Variants in GLCE observed in about 807,000 individuals in gnomAD.
GLCE encodes glucuronic acid epimerase.
Under a neutral mutation model 47.9 loss-of-function variants are expected in GLCE, and 19 were observed. The ratio of observed to expected loss-of-function variants is 0.40; its 90% CI spans 0.28 to 0.58. The LOEUF is 0.58. GLCE is among the 20% of genes least tolerant of loss of function. GLCE has a pLI of 0.48. For missense variants in GLCE, 556 were observed against 743.3 expected (o/e 0.75, Z 2.93); for synonymous variants, 245 against 263.4 (o/e 0.93, Z 0.68).
chr15:69,173,202 G>T (rs562590377), intron 1 of GLCE, among the ~76,000 whole-genome samples: 122 of 152,290 alleles, frequency 8.0e-4, no homozygotes, highest in Non-Finnish European at 8.8e-4. Flanking sequence ...GTTCTGTTCT[G>T]TTTGCCACAT....
chr15:69,186,106 C>T (rs1247582257), intron 1 of GLCE, among the ~76,000 whole-genome samples: 2 of 152,014 alleles, frequency 1.3e-5, no homozygotes, highest in East Asian at 1.9e-4. Context: ...GGTATGCTAC[C>T]CCCTGGGAAC....
intron 2 of GLCE, among the ~76,000 whole-genome samples, chr15:69,249,328 C>CT (rs1194863474): frequency 2.0e-5 from 3 of 151,580 alleles, no homozygotes; most frequent in East Asian, 3.9e-4. Context: ...GTCTACATAA[C>CT]TTTTTTTTTA....
intron 2 of GLCE, among the ~76,000 whole-genome samples, chr15:69,252,789 A>G (rs1460322561): frequency 6.6e-6 from 1 of 152,110 alleles, no homozygotes; most frequent in East Asian, 1.9e-4. Context: ...AAAAAAATAA[A>G]CACCATTTAG....
intron 2 of GLCE, among the ~76,000 whole-genome samples, chr15:69,232,713 G>C (rs1176712753): frequency 1.3e-5 from 2 of 152,100 alleles, no homozygotes; most frequent in Non-Finnish European, 2.9e-5. Context: ...AATTTGAGGG[G>C]GGAATTATAT....
intron 3 of GLCE, among the ~76,000 whole-genome samples, chr15:69,257,729 A>G (rs1042957268): frequency 6.6e-6 from 1 of 152,036 alleles, no homozygotes; most frequent in African/African-American, 2.4e-5. Flanking sequence ...TATTATTTTT[A>G]TATATTCTCT....
intron 1 of GLCE, among the ~76,000 whole-genome samples, chr15:69,179,509 CAT>C (rs1244354214): frequency 2.6e-5 from 4 of 152,170 alleles, no homozygotes; most frequent in Non-Finnish European, 5.9e-5. Context: ...GCAGTTTTAT[CAT>C]GTGTAGTTTT....
intron 2 of GLCE, among the ~76,000 whole-genome samples, chr15:69,250,759 C>T (rs570385782): frequency 6.6e-6 from 1 of 150,738 alleles, no homozygotes; most frequent in Admixed American, 6.6e-5. Context: ...GATCCTACCC[C>T]AGTCCCAAGT....
chr15:69,199,057 T>C (rs1471857329), intron 1 of GLCE, among the ~76,000 whole-genome samples: 2 of 152,176 alleles, frequency 1.3e-5, no homozygotes, highest in Non-Finnish European at 2.9e-5. Flanking sequence ...ACTGGTAGTG[T>C]ACATTTGTAA....
intron 2 of GLCE, among the ~76,000 whole-genome samples, chr15:69,253,227 G>A (rs1485438677): frequency 6.6e-6 from 1 of 152,200 alleles, no homozygotes; most frequent in Non-Finnish European, 1.5e-5. Context: ...CAGAGCATGA[G>A]AAAGACGAAG....
intron 1 of GLCE, among the ~76,000 whole-genome samples, chr15:69,180,819 A>G (rs2051739225): frequency 1.3e-5 from 2 of 152,218 alleles, no homozygotes; most frequent in African/African-American, 4.8e-5. Context: ...TGGTATAGAA[A>G]GACATTGGAT....
At chr15:69,180,966 G>C (rs2051741113) in intron 1 of GLCE, among the ~76,000 whole-genome samples, 1 of 152,158 alleles carries the variant, frequency 6.6e-6, no homozygotes, top group Admixed American at 6.5e-5. Flanking sequence ...GGTGAGAGGT[G>C]ATGGCTTGGA....
intron 2 of GLCE, among the ~76,000 whole-genome samples, chr15:69,242,640 T>C (rs536383083): frequency 6.6e-6 from 1 of 152,138 alleles, no homozygotes; most frequent in Non-Finnish European, 1.5e-5. Context: ...TTCCTTCTAC[T>C]AGTATGAAAA....
intron 1 of GLCE, among the ~76,000 whole-genome samples, chr15:69,208,077 C>A (rs1444337194): frequency 6.6e-6 from 1 of 152,012 alleles, no homozygotes; most frequent in Non-Finnish European, 1.5e-5. Flanking sequence ...CAGGTATTAT[C>A]TCCCTGTCAG....
At chr15:69,188,151 AG>A (rs1406785799) in intron 1 of GLCE, among the ~76,000 whole-genome samples, 1 of 152,114 alleles carries the variant, frequency 6.6e-6, no homozygotes, top group East Asian at 1.9e-4. Context: ...TCTGAGGCAG[AG>A]AATCACTTGA....
At chr15:69,172,176 T>C (rs918216873) in intron 1 of GLCE, among the ~76,000 whole-genome samples, 1 of 152,042 alleles carries the variant, frequency 6.6e-6, no homozygotes, top group Non-Finnish European at 1.5e-5. Context: ...TATAAAAGAG[T>C]ATTTTGGCTG....
chr15:69,246,199 G>T (rs1444764083), intron 2 of GLCE, among the ~76,000 whole-genome samples: 2 of 152,078 alleles, frequency 1.3e-5, no homozygotes, highest in African/African-American at 4.8e-5. Context: ...TTCCTCCACT[G>T]AAGTTTTGAA....
chr15:69,268,724 T>C lies in GLCE; in HGVS notation c.1334T>C (p.Met445Thr), dbSNP rs2053121783. The C allele has an allele frequency of 6.2e-7, 1 of 1,614,226 alleles. No individual in the cohort carries two copies. The highest frequency in any genetic ancestry group is 2.2e-5 in the East Asian group (1 of 44,888). ...TTAGAGCCAGGATGGTATTCTGCCATGGCCCAAGGGCAAGCCATTTCTACA... is the reference window on the plus strand; with the variant it reads ...TTAGAGCCAGGATGGTATTCTGCCACGGCCCAAGGGCAAGCCATTTCTACA... ...KSLEPGWYSA[M>T]AQGQAISTLV... is the part of the protein sequence containing the mutation. Residue 445 changes from methionine (M) to threonine (T), a missense_variant, in exon 5 of 5, where the codon ATG becomes ACG. Met to Thr is a moderately conservative substitution (Grantham distance 81). Around this residue, in one of 3 missense-constraint regions of GLCE, gnomAD observed 245 missense variants for 368.1 expected, o/e 0.67. Coordinates refer to ENST00000261858, the MANE Select transcript of GLCE (RefSeq NM_015554.3).
At chr15:69,263,388 G>A (rs2053040680) in intron 4 of GLCE, among the ~76,000 whole-genome samples, 1 of 151,982 alleles carries the variant, frequency 6.6e-6, no homozygotes, top group African/African-American at 2.4e-5. Flanking sequence ...GCTCAAGTGA[G>A]GTGAGACCCT....
intron 1 of GLCE, among the ~76,000 whole-genome samples, chr15:69,198,108 C>G (rs1332328466): frequency 6.6e-6 from 1 of 152,010 alleles, no homozygotes; most frequent in Non-Finnish European, 1.5e-5. Context: ...CACATGTATA[C>G]TTTTTTCTTT....
Sources: gnomAD v4.1 joint callset for allele counts (sites outside exome capture counted in the v4.1 genomes callset) on GRCh38, gnomAD v4.1.1 for gene constraint, gnomAD v4.1.1 regional missense constraint, MANE v1.5 for transcripts, NCBI Gene and HGNC (gene_info 2026-07-23, HGNC 2026-07-21) for gene names.